Variants in PCDHA8 observed in about 807,000 individuals in gnomAD.
PCDHA8 encodes the protein protocadherin alpha-8.
A neutral mutation model predicts 61.8 loss-of-function variants in PCDHA8; 53 were observed. The observed-to-expected ratio is 0.86, with a 90% CI of 0.69 to 1.08. The LOEUF (loss-of-function observed/expected upper bound fraction) is 1.08. Among genes scored for constraint, PCDHA8 ranks in the 50% least tolerant of loss-of-function variants. The probability of loss-of-function intolerance (pLI) is 0.00; values close to 1 mark genes in which losing one functional copy is unlikely to be tolerated. For synonymous variants in PCDHA8, 618 were observed against 556.6 expected (o/e 1.11, Z -1.55); for missense variants, 1,293 against 1,245.0 (o/e 1.04, Z -0.58).
chr5:140,875,485 G>A (rs367652529), intron 1 of PCDHA8: 13 of 1,611,424 alleles, frequency 8.1e-6, no homozygotes, highest in African/African-American at 1.3e-5. Context: ...GGTGATTATC[G>A]GACCAAGAGG....
At chr5:140,982,217 C>A in intron 2 of PCDHA8, 1 of 507,664 alleles carries the variant, frequency 2.0e-6, no homozygotes, top group Non-Finnish European at 3.1e-6. Flanking sequence ...CGCCACATGG[C>A]GTTAATAAAA....
At chr5:140,929,112 C>T in intron 1 of PCDHA8, 6 of 1,614,130 alleles carry the variant, frequency 3.7e-6, no homozygotes, top group Non-Finnish European at 5.1e-6. Context: ...TGACATCAGC[C>T]ACCATAGATG....
At chr5:140,948,227 A>G (rs1214697523) in intron 1 of PCDHA8, among the ~76,000 whole-genome samples, 17 of 151,634 alleles carry the variant, frequency 1.1e-4, no homozygotes, top group African/African-American at 4.1e-4. Flanking sequence ...GTTAGATTTA[A>G]CTTGTATTTT....
At chr5:140,891,586 A>C (rs1296110221) in intron 1 of PCDHA8, among the ~76,000 whole-genome samples, 1 of 151,924 alleles carries the variant, frequency 6.6e-6, no homozygotes, top group Non-Finnish European at 1.5e-5. Flanking sequence ...TAATCTTATT[A>C]CTCTATCCCA....
intron 1 of PCDHA8, among the ~76,000 whole-genome samples, chr5:140,885,620 G>A (rs1480920354): frequency 1.3e-5 from 2 of 152,120 alleles, no homozygotes; most frequent in Non-Finnish European, 2.9e-5. Context: ...TATAAAATAT[G>A]TCACTGGATT....
chr5:140,896,485 C>T (rs1259028670), intron 1 of PCDHA8, among the ~76,000 whole-genome samples: 1 of 152,032 alleles, frequency 6.6e-6, no homozygotes, highest in African/African-American at 2.4e-5. Flanking sequence ...GCCTCAGCCT[C>T]CTGAGTAGCT....
chr5:140,945,560 C>T (rs1321626108), intron 1 of PCDHA8, among the ~76,000 whole-genome samples: 3 of 151,960 alleles, frequency 2.0e-5, no homozygotes, highest in Non-Finnish European at 2.9e-5. Context: ...AAGCTGAAGA[C>T]ATCATACTAC....
intron 1 of PCDHA8, chr5:140,870,870 G>A: frequency 6.2e-7 from 1 of 1,613,948 alleles, no homozygotes; most frequent in Non-Finnish European, 8.5e-7. Flanking sequence ...CGGGCCACGT[G>A]GTGGCGAAGG....
At chr5:140,856,729 G>A (rs1554149028) in intron 1 of PCDHA8, 1 of 1,595,444 alleles carries the variant, frequency 6.3e-7, no homozygotes, top group African/African-American at 1.3e-5. Flanking sequence ...CTGTTTCTCT[G>A]CTGATCCTGG....
chr5:140,881,023 A>T (rs1338073910), intron 1 of PCDHA8, among the ~76,000 whole-genome samples: 2 of 152,240 alleles, frequency 1.3e-5, no homozygotes, highest in Admixed American at 1.3e-4. Flanking sequence ...AAATAAACCC[A>T]ACAGTCATTT....
intron 1 of PCDHA8, chr5:140,853,446 T>C: frequency 1.0e-6 from 1 of 980,482 alleles, no homozygotes; most frequent in Non-Finnish European, 1.2e-6. Context: ...TTTTGCCTAA[T>C]AGGTCTCCTT....
Position 140,856,142 on chromosome 5 carries a change from T to C in PCDHA8, c.2394+12427T>C. 6.3e-7 allele frequency: 1 copy of C among 1,598,234 alleles called. No homozygotes were observed. Among genetic ancestry groups the C allele is most frequent in the Non-Finnish European group, 8.6e-7 (1 of 1,167,842 alleles). ...GGAGGTGGGGAGCGGCCAGCTCCAC[T>C]ACTCAGTCTACGAGGAGGCCAGACA... On this transcript the variant is annotated intron_variant, in intron 1 of 3. Transcript: ENST00000531613.
In PCDHA8 at chr5:140,842,458, A is replaced by G. The variant is rs1777969478; in HGVS notation, c.1137A>G (p.Ser379=). 4 of 1,613,788 alleles carry G rather than the reference A, an allele frequency of 2.5e-6. No individual in the cohort carries two copies. Among genetic ancestry groups the G allele is most frequent in the Non-Finnish European group, 3.4e-6 (4 of 1,179,744 alleles). Residue 379 remains serine (S), a synonymous_variant, in exon 1 of 4, where the codon TCA becomes TCG. Transcript: ENST00000531613. ...TAATTAGCGTGAACGACCTCGATTC[A>G]GGTGCCAACGGGCAGGTGACCTGCT... ...IALISVNDLD[S]GANGQVTCSL...
intron 1 of PCDHA8, chr5:140,851,446 T>G (rs576126527): frequency 1.1e-6 from 1 of 916,006 alleles, no homozygotes; most frequent in South Asian, 5.0e-5. Flanking sequence ...GTTGCTCCAC[T>G]TTAGGAATCA....
chr5:140,874,304 A>G (rs559038069), intron 1 of PCDHA8, among the ~76,000 whole-genome samples: 1 of 152,234 alleles, frequency 6.6e-6, no homozygotes, highest in African/African-American at 2.4e-5. Flanking sequence ...ACTTGTTCAC[A>G]ATGAGTTGTA....
At chr5:140,921,277 A>G (rs1554200163) in intron 1 of PCDHA8, among the ~76,000 whole-genome samples, 1 of 152,210 alleles carries the variant, frequency 6.6e-6, no homozygotes, top group Non-Finnish European at 1.5e-5. Flanking sequence ...ACTTACTTGA[A>G]AAAAACCTCA....
chr5:140,946,611 AATAT>A (rs1554217734), intron 1 of PCDHA8, among the ~76,000 whole-genome samples: 10 of 86,794 alleles, frequency 1.2e-4, no homozygotes, highest in Admixed American at 4.7e-4. Flanking sequence ...GAAAATGTGA[AATAT>A]ATATATATAT....
chr5:141,002,841 G>T (rs2098098318), intron 3 of PCDHA8, among the ~76,000 whole-genome samples: 1 of 152,196 alleles, frequency 6.6e-6, no homozygotes, highest in African/African-American at 2.4e-5. Flanking sequence ...CCAGGACTAT[G>T]CACTAGTGAG....
intron 1 of PCDHA8, chr5:140,969,449 AG>A (rs1470034134): frequency 2.8e-5 from 43 of 1,510,842 alleles, no homozygotes; most frequent in Non-Finnish European, 3.2e-5. Flanking sequence ...TGGTAAACTG[AG>A]TATATATAGT....
Sources: gnomAD v4.1 joint callset for allele counts (sites outside exome capture counted in the v4.1 genomes callset) on GRCh38, gnomAD v4.1.1 for gene constraint, MANE v1.5 for transcripts, NCBI Gene and HGNC (gene_info 2026-07-23, HGNC 2026-07-21) for gene names.